The following SLC41A3 variants were observed in gnomAD, a reference collection of about 807,000 sequenced individuals.
SLC41A3 encodes SLC41A1-like 2.
In SLC41A3, 44 loss-of-function variants were observed where a neutral mutation model predicts 45.4. The observed-to-expected ratio is 0.97, with a 90% CI of 0.76 to 1.25. The LOEUF (loss-of-function observed/expected upper bound fraction) is 1.25. Ranked by LOEUF, SLC41A3 falls within the 50% of genes most tolerant of loss-of-function variation. The pLI is 0.00. For missense variants in SLC41A3, 550 were observed against 600.6 expected (o/e 0.92, Z 0.88); for synonymous variants, 256 against 252.4 (o/e 1.01, Z -0.13).
At chr3:126,044,068 T>G (rs1942781330) in intron 3 of SLC41A3, among the ~76,000 whole-genome samples, 1 of 152,120 alleles carries the variant, frequency 6.6e-6, no homozygotes, top group Non-Finnish European at 1.5e-5. Flanking sequence ...CACTTTAGAT[T>G]TAAGGACACA....
intron 1 of SLC41A3, among the ~76,000 whole-genome samples, chr3:126,094,788 C>G (rs898784503): frequency 6.6e-6 from 1 of 152,144 alleles, no homozygotes; most frequent in Non-Finnish European, 1.5e-5. Flanking sequence ...TTCCAGACTC[C>G]CTATAAAAAG....
chr3:126,093,991 T>C (rs934700994), intron 1 of SLC41A3, among the ~76,000 whole-genome samples: 2 of 152,230 alleles, frequency 1.3e-5, no homozygotes, highest in South Asian at 4.1e-4. Flanking sequence ...GCAAAGCCCT[T>C]GAAGTATATC....
chr3:126,013,171 A>C (rs16837032), intron 8 of SLC41A3, among the ~76,000 whole-genome samples: 24,540 of 152,080 alleles, frequency 0.16, 2,207 homozygotes, highest in African/African-American at 0.23. Context: ...TTGACAGGAA[A>C]CAGACTACAG....
At chr3:126,048,203 A>G (rs1412495003) in intron 3 of SLC41A3, among the ~76,000 whole-genome samples, 1 of 152,204 alleles carries the variant, frequency 6.6e-6, no homozygotes, top group Non-Finnish European at 1.5e-5. Flanking sequence ...TAACTTTACA[A>G]CATTGACTTT....
In SLC41A3 at chr3:126,022,869, G is replaced by A; in HGVS notation, c.662C>T (p.Ala221Val). ...RKLGVNPDNIATPIAASLGDL... is the reference protein window; with the variant it reads ...RKLGVNPDNIVTPIAASLGDL... The stretch of plus-strand genomic sequence containing the variant: ...TCCCAGGCTGGCTGCAATGGGCGTG[G>A]CAATGTTGTCTGGGTTGACCCCGAG... The change falls in exon 6 of 11, where the codon GCC (alanine) becomes GTC (valine). Residue 221 changes from alanine (A) to valine (V), a missense_variant. By Grantham distance (64) the Ala-to-Val change is moderately conservative (BLOSUM62 0). Coordinates refer to ENST00000360370, the MANE Select transcript of SLC41A3 (RefSeq NM_017836.4). 6.2e-7 allele frequency: 1 copy of A among 1,614,204 alleles called. No homozygotes were observed. The highest frequency in any genetic ancestry group is 8.5e-7 in the Non-Finnish European group (1 of 1,180,048).
chr3:126,060,322 G>A (rs1353651584), intron 2 of SLC41A3, among the ~76,000 whole-genome samples: 1 of 152,172 alleles, frequency 6.6e-6, no homozygotes, highest in Non-Finnish European at 1.5e-5. Flanking sequence ...GGGAGGCTGA[G>A]GCACCAGAAT....
At chr3:126,084,694 G>T (rs1945337637), upstream of SLC41A3, among the ~76,000 whole-genome samples, 1 of 152,036 alleles carries the variant, frequency 6.6e-6, no homozygotes, top group South Asian at 2.1e-4. Context: ...AACGAAATTG[G>T]CAATTCCCAG....
At chr3:126,050,036 TG>T (rs1022587368) in intron 3 of SLC41A3, among the ~76,000 whole-genome samples, 2 of 152,214 alleles carry the variant, frequency 1.3e-5, no homozygotes, top group African/African-American at 4.8e-5. Flanking sequence ...GTGGTTACAC[TG>T]GGTCTATCTG....
chr3:126,047,504 C>A (rs1022073846), intron 3 of SLC41A3, among the ~76,000 whole-genome samples: 1 of 152,074 alleles, frequency 6.6e-6, no homozygotes, highest in Non-Finnish European at 1.5e-5. Context: ...TTCATGACTT[C>A]GAAACTTATT....
chr3:126,047,628 G>A (rs1313414115), intron 3 of SLC41A3, among the ~76,000 whole-genome samples: 4 of 152,106 alleles, frequency 2.6e-5, no homozygotes, highest in Non-Finnish European at 4.4e-5. Context: ...AGGGTGCCAC[G>A]GACATTCAAT....
chr3:126,050,816 T>A (rs1943277711), intron 3 of SLC41A3, 127 bp downstream of exon 3: 1 of 1,404,910 alleles, frequency 7.1e-7, no homozygotes, highest in Non-Finnish European at 9.3e-7. Flanking sequence ...TGATGAGGTA[T>A]CAAAACCCAG....
Position 126,026,443 on chromosome 3 carries a change from C to T in SLC41A3, c.490G>A (p.Ala164Thr), listed in dbSNP as rs1193778936. 6.2e-7 allele frequency: 1 copy of T among 1,602,338 alleles called. No individual in the cohort carries two copies. Among genetic ancestry groups the T allele is most frequent in the Non-Finnish European group, 8.5e-7 (1 of 1,174,328 alleles). ...ATVVGLLAAV[A>T]ALLLGVVSRE... ...GACACCACGCCCAACAGCAGCGCAG[C>T]CACAGCAGCCAAGAGCCCCACGACA... The change falls in exon 5 of 11, where the codon GCT becomes ACT. Residue 164 changes from alanine (A) to threonine (T), a missense_variant. Ala to Thr is a moderately conservative substitution (Grantham distance 58, BLOSUM62 0). Coordinates refer to ENST00000360370, the MANE Select transcript of SLC41A3 (RefSeq NM_017836.4). The surrounding 1 kb of genome is among the most constrained non-coding windows in gnomAD (Gnocchi z 4.2).
intron 3 of SLC41A3, among the ~76,000 whole-genome samples, chr3:126,036,964 C>A (rs1302712849): frequency 6.6e-6 from 1 of 152,146 alleles, no homozygotes. Context: ...CCTGATAATA[C>A]TTATATAACC....
chr3:126,098,458 C>T (rs1236706649), intron 1 of SLC41A3, among the ~76,000 whole-genome samples: 1 of 152,214 alleles, frequency 6.6e-6, no homozygotes, highest in Non-Finnish European at 1.5e-5. Context: ...TGGTATTTTG[C>T]AATGAGCTGC....
intron 1 of SLC41A3, chr3:126,070,559 T>A (rs1303447774): frequency 1.3e-5 from 2 of 152,176 alleles, no homozygotes; most frequent in Admixed American, 1.3e-4. Flanking sequence ...TCATTTTTCA[T>A]CAGAAATAGA....
rs531857000 is a variant in SLC41A3, at chr3:126,026,439, G to A, written c.494C>T (p.Ala165Val). ...TVVGLLAAVA[A>V]LLLGVVSREE... The stretch of plus-strand genomic sequence containing the variant: ...TCGAGACACCACGCCCAACAGCAGC[G>A]CAGCCACAGCAGCCAAGAGCCCCAC... The change falls in exon 5 of 11, where the codon GCG becomes GTG. Residue 165 changes from alanine to valine, a missense_variant. Transcript: ENST00000360370. The surrounding 1 kb of genome is among the most constrained non-coding windows in gnomAD (Gnocchi z 4.2). 2.9e-5 allele frequency: 47 copies of A among 1,599,800 alleles called. No individual in the cohort carries two copies. Among genetic ancestry groups the A allele is most frequent in the African/African-American group, 2.1e-4 (16 of 74,768 alleles).
At chr3:126,011,892 T>A (rs1939749536) in intron 9 of SLC41A3, among the ~76,000 whole-genome samples, 1 of 144,216 alleles carries the variant, frequency 6.9e-6, no homozygotes, top group South Asian at 2.2e-4. Flanking sequence ...AGAAAGGAAA[T>A]CCAAAACAAT....
At chr3:126,044,430 C>T (rs924855233) in intron 3 of SLC41A3, among the ~76,000 whole-genome samples, 41 of 152,218 alleles carry the variant, frequency 2.7e-4, no homozygotes, top group East Asian at 9.6e-4. Context: ...AGGAAACAGA[C>T]GGTTTGAATA....
chr3:126,076,586 T>C (rs1167894203), intron 1 of SLC41A3, among the ~76,000 whole-genome samples: 1 of 152,174 alleles, frequency 6.6e-6, no homozygotes, highest in Admixed American at 6.5e-5. Context: ...GAATCATTTA[T>C]GAGATAATAT....
Sources: allele counts gnomAD v4.1 joint callset (sites outside exome capture counted in the v4.1 genomes callset), GRCh38; gene constraint gnomAD v4.1.1; non-coding constraint Gnocchi (gnomAD v3.1); transcripts MANE v1.5; gene names NCBI Gene and HGNC (gene_info 2026-07-23, HGNC 2026-07-21).